The following SSX2IP variants were observed in gnomAD, a reference collection of about 807,000 sequenced individuals.
The protein encoded by SSX2IP is SSX family member 2 interacting protein.
A neutral mutation model predicts 84.9 loss-of-function variants in SSX2IP; 55 were observed. The observed-to-expected ratio is 0.65, with a 90% CI of 0.52 to 0.81. The LOEUF is 0.81. Among genes scored for constraint, SSX2IP ranks in the 30% least tolerant of loss-of-function variants. The pLI is 0.00. For missense variants in SSX2IP, 664 were observed against 705.2 expected (o/e 0.94, Z 0.66); for synonymous variants, 239 against 234.7 (o/e 1.02, Z -0.17).
intron 1 of SSX2IP, among the ~76,000 whole-genome samples, chr1:84,680,046 A>G (rs1237236441): frequency 6.6e-6 from 1 of 152,138 alleles, no homozygotes; most frequent in Non-Finnish European, 1.5e-5. Flanking sequence ...ACAGAACTCA[A>G]TCTATCTCCC....
intron 1 of SSX2IP, among the ~76,000 whole-genome samples, chr1:84,675,872 C>T (rs372879783): frequency 2.6e-5 from 4 of 152,258 alleles, no homozygotes; most frequent in African/African-American, 7.2e-5. Context: ...GAAGCCCCTG[C>T]CCCCCTTTCC....
At chr1:84,651,081 T>C (rs1394055030) in intron 12 of SSX2IP, among the ~76,000 whole-genome samples, 1 of 152,032 alleles carries the variant, frequency 6.6e-6, no homozygotes, top group Non-Finnish European at 1.5e-5. Flanking sequence ...TTTGGGAAGG[T>C]GAGGCGGAAT....
intron 8 of SSX2IP, among the ~76,000 whole-genome samples, chr1:84,658,887 A>C (rs1301627120): frequency 1.3e-5 from 2 of 152,244 alleles, no homozygotes; most frequent in Non-Finnish European, 2.9e-5. Context: ...TGCTTAAAGA[A>C]ATGCACTTGT....
intron 11 of SSX2IP, among the ~76,000 whole-genome samples, chr1:84,654,596 C>T (rs1362997074): frequency 6.6e-6 from 1 of 151,904 alleles, no homozygotes; most frequent in Non-Finnish European, 1.5e-5. Context: ...AACATGGCAG[C>T]TGAAATCTGA....
rs1654698512 is a variant in SSX2IP, at chr1:84,678,735, A to G, written c.-89-7427T>C. On this transcript the variant is annotated intron_variant, in intron 1 of 13. Coordinates refer to ENST00000342203, the MANE Select transcript of SSX2IP (RefSeq NM_001166293.2). The stretch of plus-strand genomic sequence containing the variant: ...AATTCCCATTTGTCTTGTCCTCTTC[A>G]CCCCCAAATCTCTGCAACTACAAAC... Among the ~76,000 whole-genome samples, 7 of 152,322 alleles carry G rather than the reference A, an allele frequency of 4.6e-5. No homozygotes were observed. In the South Asian group the frequency reaches 1.5e-3, roughly 32 times the overall value.
intron 10 of SSX2IP, 102 bp from the exon 11 acceptor site, chr1:84,656,107 T>C (rs964697457): frequency 2.1e-5 from 24 of 1,119,600 alleles, no homozygotes; most frequent in African/African-American, 1.1e-4. Flanking sequence ...AGGGCAGGAA[T>C]AGAAATTATT....
intron 9 of SSX2IP, among the ~76,000 whole-genome samples, chr1:84,657,389 A>G (rs904998652): frequency 6.6e-5 from 10 of 152,216 alleles, no homozygotes; most frequent in Non-Finnish European, 1.5e-4. Flanking sequence ...TGGAATAGAG[A>G]CCAGGATATT....
At chr1:84,683,723 T>C (rs528835908) in intron 1 of SSX2IP, among the ~76,000 whole-genome samples, 1 of 152,342 alleles carries the variant, frequency 6.6e-6, no homozygotes, top group African/African-American at 2.4e-5. Context: ...TGTTTTAGTA[T>C]GATAGACAAG....
Position 84,676,719 on chromosome 1 carries a change from CTTTTTTTTTTTT to C in SSX2IP, c.-89-5423_-89-5412del, listed in dbSNP as rs61017474. 7.7e-3 allele frequency among the ~76,000 whole-genome samples: 765 copies of C among 99,492 alleles called. 8 individuals carry two copies. The highest frequency in any genetic ancestry group is 0.011 in the Admixed American group (79 of 7,112). 65.3% of individuals were successfully genotyped at this position (99,492 alleles called of 152,430 possible). A position where few individuals can be genotyped will look rare whatever the true frequency, so the allele number is the denominator to read the frequency against. ...GATTTCAAGACTCTGTGCTCTTTTC[CTTTTTTTTTTTT>C]TTTTTTTTTGAAACGGAGTCTCGCT... On this transcript the variant is annotated intron_variant, in intron 1 of 13. Coordinates refer to ENST00000342203, the MANE Select transcript of SSX2IP (RefSeq NM_001166293.2).
At chr1:84,670,494 A>G in intron 3 of SSX2IP, 152 bp downstream of exon 3, 1 of 508,912 alleles carries the variant, frequency 2.0e-6, no homozygotes, top group Non-Finnish European at 3.3e-6. Context: ...CTATCTCTAG[A>G]TGAGATAATC....
intron 1 of SSX2IP, among the ~76,000 whole-genome samples, chr1:84,674,355 C>T (rs574621974): frequency 7.2e-5 from 11 of 152,224 alleles, no homozygotes; most frequent in African/African-American, 2.6e-4. Flanking sequence ...AAACCTATAA[C>T]AAAATGTACC....
intron 1 of SSX2IP, among the ~76,000 whole-genome samples, chr1:84,685,836 T>C (rs1291933532): frequency 2.6e-5 from 4 of 151,642 alleles, no homozygotes; most frequent in African/African-American, 7.3e-5. Context: ...AATTTGGCTA[T>C]AGAATAGAAA....
chr1:84,664,693 T>G, intron 5 of SSX2IP, 141 bp from the exon 6 acceptor site: 1 of 628,310 alleles, frequency 1.6e-6, no homozygotes, highest in Non-Finnish European at 2.4e-6. Flanking sequence ...AACCACTTTT[T>G]TAAATATTAT....
chr1:84,686,797 A>G (rs1005544603), intron 1 of SSX2IP, among the ~76,000 whole-genome samples: 5 of 152,214 alleles, frequency 3.3e-5, no homozygotes, highest in Admixed American at 2.6e-4. Context: ...TGAATTTTAA[A>G]AAGTGTTGAA....
At chr1:84,647,685 T>G in intron 13 of SSX2IP, 78 bp from the exon 14 acceptor site, 1 of 972,550 alleles carries the variant, frequency 1.0e-6, no homozygotes, top group African/African-American at 1.7e-5. Context: ...GTGGCACTCT[T>G]CAAAAAAAAT....
intron 3 of SSX2IP, 170 bp downstream of exon 3, chr1:84,670,476 T>C (rs1404367660): frequency 1.9e-5 from 8 of 426,798 alleles, no homozygotes; most frequent in African/African-American, 4.1e-5. Context: ...ACAAAAAAGT[T>C]AGACTTGCTA....
Position 84,664,636 on chromosome 1 carries a change from A to C in SSX2IP, c.538-84T>G, listed in dbSNP as rs141769315. On this transcript the variant is annotated intron_variant, in intron 5 of 13. Coordinates refer to ENST00000342203, the MANE Select transcript of SSX2IP (RefSeq NM_001166293.2). Reference sequence around the variant, plus strand: ...AATCCTAAAATTCATCTCCCCATATAGGTTTTAAAATCCTAGGATGATTCT... The same window carrying C: ...AATCCTAAAATTCATCTCCCCATATCGGTTTTAAAATCCTAGGATGATTCT... 1.5e-4 allele frequency: 185 copies of C among 1,214,684 alleles called. 1 individual carries two copies. In the African/African-American group the frequency reaches 2.7e-3, roughly 18 times the overall value. 75.2% of individuals were successfully genotyped at this position (1,214,684 alleles called of 1,614,324 possible).
At position 84,645,722 on chromosome 1, in the gene SSX2IP, A is replaced by C. The variant is rs1326994795; in HGVS notation, c.*1711T>G. On this transcript the variant is annotated 3_prime_UTR_variant, in exon 14 of 14. Coordinates refer to ENST00000342203, the MANE Select transcript of SSX2IP (RefSeq NM_001166293.2). ...TTGCTAAATAGCAAAACAAACAAAA[A>C]CAAAAACAACAAAAATCCTATATCC... The C allele has an allele frequency of 1.3e-5, 2 of 152,194 alleles. No homozygotes were observed. The highest frequency in any genetic ancestry group is 2.9e-5 in the Non-Finnish European group (2 of 68,030). 9.4% of individuals were successfully genotyped at this position (152,194 alleles called of 1,614,324 possible).
At chr1:84,659,954 T>C (rs553119556) in intron 8 of SSX2IP, among the ~76,000 whole-genome samples, 1 of 152,262 alleles carries the variant, frequency 6.6e-6, no homozygotes, top group Non-Finnish European at 1.5e-5. Context: ...GATGACTGTT[T>C]AAGCCCAGGA....
Sources: allele counts gnomAD v4.1 joint callset (sites outside exome capture counted in the v4.1 genomes callset), GRCh38; gene constraint gnomAD v4.1.1; transcripts MANE v1.5; gene names NCBI Gene and HGNC (gene_info 2026-07-23, HGNC 2026-07-21).